The following STAU1 variants were observed in gnomAD, a reference collection of about 807,000 sequenced individuals.
STAU1 encodes staufen double-stranded RNA binding protein 1, also known as double-stranded RNA-binding protein Staufen homolog 1.
In STAU1, 13 loss-of-function variants were observed where a neutral mutation model predicts 62.9. The ratio of observed to expected loss-of-function variants is 0.21; its 90% CI spans 0.13 to 0.33. The LOEUF (loss-of-function observed/expected upper bound fraction) is 0.33, where lower values mean the gene tolerates loss of function less well. Ranked by LOEUF, STAU1 falls within the 10% of genes least tolerant of loss-of-function variation. The pLI, the probability that STAU1 is intolerant of heterozygous loss-of-function variation, is 1.00. For synonymous variants in STAU1, 269 were observed against 265.1 expected, an observed-to-expected ratio of 1.01 and a Z score of -0.14; for missense variants, 571 against 712.1, an observed-to-expected ratio of 0.80 and a Z score of 2.25.
intron 6 of STAU1, chr20:49,135,097 G>A (rs1170295568): frequency 1.0e-5 from 10 of 969,862 alleles, no homozygotes; most frequent in African/African-American, 3.2e-5. Flanking sequence ...GCCTTTATTC[G>A]TAACGTTTTA....
At chr20:49,124,233 G>T (rs574613593) in intron 7 of STAU1, 142 bp downstream of exon 7, 2 of 808,836 alleles carry the variant, frequency 2.5e-6, no homozygotes, top group East Asian at 2.4e-5. Flanking sequence ...GGCTCTTGCA[G>T]CACCTCTAAG....
intron 13 of STAU1, among the ~76,000 whole-genome samples, chr20:49,115,193 C>T (rs1306615910): frequency 2.1e-5 from 3 of 144,838 alleles, no homozygotes; most frequent in Non-Finnish European, 3.0e-5. Context: ...ATGGGGGAGG[C>T]GGTGGGGAGA....
At chr20:49,164,794 GA>G (rs574341987) in intron 3 of STAU1, among the ~76,000 whole-genome samples, 135 of 150,860 alleles carry the variant, frequency 8.9e-4, no homozygotes, top group African/African-American at 3.1e-3. Flanking sequence ...GGAAAGAAGA[GA>G]AAAAAAACTC....
In STAU1 at chr20:49,113,721, T is replaced by C. The variant is rs1337779269; in HGVS notation, c.*1157A>G. The C allele has an allele frequency of 2.0e-5, 3 of 152,604 alleles. No homozygotes were observed. Among genetic ancestry groups the C allele is most frequent in the East Asian group, 1.9e-4 (1 of 5,194 alleles). The allele number at this position is 152,604 out of a possible 1,614,324, so 9.5% of individuals were successfully genotyped here. A position where few individuals can be genotyped will look rare whatever the true frequency, so the allele number is the denominator to read the frequency against. On this transcript the variant is annotated 3_prime_UTR_variant, in exon 14 of 14. Transcript: ENST00000371856. ...CAACATCAAAAGCAACACAGCTGTATACAGAAACGTAGGTCATTCTTTTCA... is the reference window on the plus strand; with the variant it reads ...CAACATCAAAAGCAACACAGCTGTACACAGAAACGTAGGTCATTCTTTTCA...
At position 49,117,767 on chromosome 20, in the gene STAU1, A is replaced by G; in HGVS notation, c.1509+10T>C. 1 of 1,599,886 alleles carries G rather than the reference A, an allele frequency of 6.3e-7. No individual in the cohort carries two copies. ...AGGCACAGCCATCACAGCTCAGGCC[A>G]GACAGTTACCTGGAATCCCTGGACT... On this transcript the variant is annotated intron_variant, in intron 11 of 13. Coordinates refer to ENST00000371856, the MANE Select transcript of STAU1 (RefSeq NM_017453.4). The surrounding 1 kb of genome is among the most constrained non-coding windows in gnomAD (Gnocchi z 4.6).
chr20:49,149,555 G>C (rs1453965485), intron 5 of STAU1, among the ~76,000 whole-genome samples: 18 of 152,178 alleles, frequency 1.2e-4, no homozygotes, highest in Non-Finnish European at 7.3e-5. Context: ...ACTCCAATTA[G>C]ATTAGCAACA....
At chr20:49,128,041 C>T (rs1415907267) in intron 6 of STAU1, among the ~76,000 whole-genome samples, 2 of 151,756 alleles carry the variant, frequency 1.3e-5, no homozygotes, top group Non-Finnish European at 2.9e-5. Flanking sequence ...CCCAGCTACT[C>T]GGGAGGCTGA....
intron 2 of STAU1, among the ~76,000 whole-genome samples, chr20:49,173,087 G>A (rs1465912183): frequency 3.3e-5 from 5 of 151,036 alleles, no homozygotes; most frequent in Admixed American, 6.6e-5. Context: ...CTCTTGATCC[G>A]CCCACCTTGG....
the STAU1 span, among the ~76,000 whole-genome samples, chr20:49,214,991 C>A: frequency 6.6e-6 from 1 of 152,152 alleles, no homozygotes; most frequent in Non-Finnish European, 1.5e-5. Context: ...ACAATTTGAC[C>A]TCACATAAAT....
At chr20:49,126,285 G>A (rs144639324) in intron 6 of STAU1, among the ~76,000 whole-genome samples, 8 of 151,900 alleles carry the variant, frequency 5.3e-5, no homozygotes, top group African/African-American at 1.9e-4. Context: ...AATCAGGCTG[G>A]GCAGGGTGGC....
chr20:49,122,208 G>C (rs187187997), intron 8 of STAU1, among the ~76,000 whole-genome samples: 1 of 152,214 alleles, frequency 6.6e-6, no homozygotes, highest in East Asian at 1.9e-4. Context: ...ACTTAGCTTT[G>C]AACTTAATCA....
intron 8 of STAU1, 50 bp from the exon 9 acceptor site, chr20:49,120,178 C>T (rs2092433102): frequency 1.9e-6 from 3 of 1,562,982 alleles, no homozygotes; most frequent in Non-Finnish European, 2.6e-6. Context: ...TTCAGAATAA[C>T]AACCAGGCAG....
chr20:49,176,639 A>G (rs2426142), intron 1 of STAU1, among the ~76,000 whole-genome samples: 130,071 of 152,120 alleles, frequency 0.86, 56,080 homozygotes, highest in African/African-American at 0.93. Context: ...GGTTCTTTTC[A>G]TAGATAGTAT....
intron 13 of STAU1, 105 bp downstream of exon 13, chr20:49,115,677 C>T: frequency 9.9e-7 from 1 of 1,015,094 alleles, no homozygotes; most frequent in South Asian, 1.4e-5. Context: ...CAGAAAGTAA[C>T]TCAGGCAAAT....
chr20:49,212,873 A>C, the STAU1 span, among the ~76,000 whole-genome samples: 6 of 151,896 alleles, frequency 4.0e-5, no homozygotes, highest in Non-Finnish European at 7.4e-5. Flanking sequence ...GCTGGGATTA[A>C]AGGCTTGAGC....
chr20:49,116,916 G>A (rs1052124003), intron 12 of STAU1, among the ~76,000 whole-genome samples: 4 of 152,184 alleles, frequency 2.6e-5, no homozygotes, highest in Non-Finnish European at 5.9e-5. Flanking sequence ...GTGGGCTAAA[G>A]CTGATGAGTT....
chr20:49,159,505 A>T (rs1323492572), intron 3 of STAU1, among the ~76,000 whole-genome samples: 1 of 152,224 alleles, frequency 6.6e-6, no homozygotes, highest in African/African-American at 2.4e-5. Context: ...GTCTGCAAAA[A>T]AATCCTGGAG....
At chr20:49,160,841 T>C (rs1344519333) in intron 3 of STAU1, among the ~76,000 whole-genome samples, 3 of 152,136 alleles carry the variant, frequency 2.0e-5, no homozygotes, top group African/African-American at 4.8e-5. Flanking sequence ...GTGAAAAAAC[T>C]GTTTTCCCAT....
intron 1 of STAU1, among the ~76,000 whole-genome samples, chr20:49,175,121 A>G (rs1402925134): frequency 6.6e-6 from 1 of 151,492 alleles, no homozygotes; most frequent in African/African-American, 2.4e-5. Context: ...GCGCCACTGC[A>G]CTCCAGCCTG....
Sources: gnomAD v4.1 joint callset for allele counts (sites outside exome capture counted in the v4.1 genomes callset) on GRCh38, gnomAD v4.1.1 for gene constraint, Gnocchi (gnomAD v3.1) non-coding constraint, MANE v1.5 for transcripts, NCBI Gene and HGNC (gene_info 2026-07-23, HGNC 2026-07-21) for gene names.